Variants in ERBB4 observed in about 807,000 individuals in gnomAD.
ERBB4 encodes erb-b2 receptor tyrosine kinase 4.
Under a neutral mutation model 158.0 loss-of-function variants are expected in ERBB4, and 42 were observed. That is an observed-to-expected ratio of 0.27 (90% CI 0.21 to 0.34). ERBB4 has a LOEUF of 0.34. Ranked by LOEUF, ERBB4 falls within the 10% of genes least tolerant of loss-of-function variation. The pLI is 1.00. For missense variants in ERBB4, 1,333 were observed against 1,624.1 expected (o/e 0.82, Z 3.08); for synonymous variants, 583 against 558.7 (o/e 1.04, Z -0.61).
intron 2 of ERBB4, among the ~76,000 whole-genome samples, chr2:211,998,364 T>C (rs963813162): frequency 2.6e-5 from 4 of 151,926 alleles, no homozygotes; most frequent in Non-Finnish European, 4.4e-5. Context: ...TGATGTGTTA[T>C]GTTTTGTGCT....
intron 2 of ERBB4, among the ~76,000 whole-genome samples, chr2:212,006,990 C>T (rs2076274836): frequency 6.6e-6 from 1 of 151,938 alleles, no homozygotes; most frequent in Non-Finnish European, 1.5e-5. Context: ...AATAATTCAA[C>T]TTCAAATGAA....
chr2:211,952,878 A>G (rs553768939), intron 2 of ERBB4, among the ~76,000 whole-genome samples: 1 of 148,546 alleles, frequency 6.7e-6, no homozygotes, highest in African/African-American at 2.5e-5. Flanking sequence ...ATCTGAGCAG[A>G]AAAAAAAAAA....
At chr2:211,494,426 A>G (rs2125578150) in intron 20 of ERBB4, among the ~76,000 whole-genome samples, 1 of 151,806 alleles carries the variant, frequency 6.6e-6, no homozygotes, top group Middle Eastern at 3.4e-3. Context: ...GTAAACATGA[A>G]CACCAAATAA....
At chr2:211,422,155 T>G (rs2063526585) in intron 23 of ERBB4, 51 bp from the exon 24 acceptor site, 1 of 1,209,878 alleles carries the variant, frequency 8.3e-7, no homozygotes, top group African/African-American at 1.5e-5. Context: ...TAGAAAGGAG[T>G]TGAAATTTAA....
At chr2:212,428,269 T>C (rs1487058697) in intron 1 of ERBB4, among the ~76,000 whole-genome samples, 6 of 152,066 alleles carry the variant, frequency 3.9e-5, no homozygotes. Flanking sequence ...ATGTACAGAG[T>C]GGTTGGAACA....
intron 2 of ERBB4, among the ~76,000 whole-genome samples, chr2:211,976,518 A>G (rs1046346321): frequency 1.3e-5 from 2 of 152,148 alleles, no homozygotes; most frequent in African/African-American, 4.8e-5. Flanking sequence ...ATCAAGATCT[A>G]TAGAGGTTAC....
intron 3 of ERBB4, among the ~76,000 whole-genome samples, chr2:211,934,170 ACT>A (rs1485589609): frequency 6.6e-6 from 1 of 151,922 alleles, no homozygotes; most frequent in Non-Finnish European, 1.5e-5. Context: ...ATTTTATAAA[ACT>A]CTGCTGTAAA....
intron 2 of ERBB4, among the ~76,000 whole-genome samples, chr2:212,064,178 A>G (rs1307417007): frequency 1.3e-5 from 2 of 152,114 alleles, no homozygotes; most frequent in Non-Finnish European, 2.9e-5. Context: ...AAATAACAAA[A>G]ACCAAAACTA....
chr2:212,533,651 G>C (rs1172575368), intron 1 of ERBB4, among the ~76,000 whole-genome samples: 2 of 152,106 alleles, frequency 1.3e-5, no homozygotes, highest in African/African-American at 4.8e-5. Context: ...AGCTGTATTA[G>C]AAATCATAAA....
At chr2:212,441,872 C>G (rs2092262024) in intron 1 of ERBB4, among the ~76,000 whole-genome samples, 1 of 152,124 alleles carries the variant, frequency 6.6e-6, no homozygotes, top group Non-Finnish European at 1.5e-5. Context: ...CATACTCATC[C>G]CAGCTAGGAG....
At chr2:212,522,759 G>C (rs1376220064) in intron 1 of ERBB4, among the ~76,000 whole-genome samples, 1 of 152,010 alleles carries the variant, frequency 6.6e-6, no homozygotes, top group Admixed American at 6.6e-5. Context: ...TATCGCCTCT[G>C]TTGAGAAATA....
At chr2:212,381,258 A>G (rs2090494255) in intron 1 of ERBB4, among the ~76,000 whole-genome samples, 1 of 151,358 alleles carries the variant, frequency 6.6e-6, no homozygotes, top group South Asian at 2.1e-4. Flanking sequence ...TTAGATAAAA[A>G]GTCAAAGGTT....
intron 3 of ERBB4, among the ~76,000 whole-genome samples, chr2:211,912,333 G>C (rs941506077): frequency 2.0e-5 from 3 of 151,966 alleles, no homozygotes; most frequent in African/African-American, 7.2e-5. Flanking sequence ...CTTTAATTTG[G>C]GGGGTCCTGA....
chr2:212,512,367 A>T (rs1691574132), intron 1 of ERBB4, among the ~76,000 whole-genome samples: 1 of 152,000 alleles, frequency 6.6e-6, no homozygotes, highest in Non-Finnish European at 1.5e-5. Context: ...TACACAAAAA[A>T]AAACAAATAT....
chr2:211,860,935 TTATA>T (rs1383683877), intron 3 of ERBB4, among the ~76,000 whole-genome samples: 1 of 122,038 alleles, frequency 8.2e-6, no homozygotes, highest in Admixed American at 1.0e-4. Context: ...ATATATTACA[TTATA>T]TATATTTTAT....
At chr2:211,610,487 G>A (rs2069153896) in intron 19 of ERBB4, among the ~76,000 whole-genome samples, 2 of 152,036 alleles carry the variant, frequency 1.3e-5, no homozygotes, top group South Asian at 4.1e-4. Context: ...TTGTCCTTTG[G>A]GCAAAAGATT....
At chr2:211,987,897 A>G (rs574219218) in intron 2 of ERBB4, among the ~76,000 whole-genome samples, 24 of 152,216 alleles carry the variant, frequency 1.6e-4, no homozygotes, top group African/African-American at 1.2e-4. Flanking sequence ...AGTTTTACTT[A>G]AAGTAATTTA....
rs914104008 is a variant in ERBB4 at position 211,721,577 on chromosome 2, T to TTA, written c.883+814_883+815dup. Among the ~76,000 whole-genome samples, 191 of 148,380 alleles carry TTA rather than the reference T, an allele frequency of 1.3e-3. 1 individual carries two copies. Among genetic ancestry groups the TTA allele is most frequent in the Non-Finnish European group, 2.2e-3 (150 of 67,346 alleles). On this transcript the variant is annotated intron_variant, in intron 7 of 27. Coordinates refer to ENST00000342788, the MANE Select transcript of ERBB4 (RefSeq NM_005235.3). ...TGTTTAAGATCCTTTAACATACCCT[T>TTA]TATATATATACATGTTTTATTTAAG...
chr2:211,418,776 GT>G (rs1179024221), intron 25 of ERBB4, among the ~76,000 whole-genome samples: 4 of 152,034 alleles, frequency 2.6e-5, no homozygotes, highest in African/African-American at 9.7e-5. Flanking sequence ...ATTTTGCAAA[GT>G]GTACAGAGAG....
Sources: gnomAD v4.1 joint callset for allele counts (sites outside exome capture counted in the v4.1 genomes callset) on GRCh38, gnomAD v4.1.1 for gene constraint, MANE v1.5 for transcripts, NCBI Gene and HGNC (gene_info 2026-07-23, HGNC 2026-07-21) for gene names.